Variants in SAMMSON observed in about 807,000 individuals in gnomAD.
SAMMSON encodes the protein long intergenic non-protein coding RNA 1212.
intron 4 of SAMMSON, among the ~76,000 whole-genome samples, chr3:70,132,777 A>T (rs1233700654): frequency 8.1e-6 from 1 of 123,314 alleles, no homozygotes; most frequent in Non-Finnish European, 1.7e-5. Context: ...CCCTAAAAAA[A>T]AAAAAAAGAA....
intron 3 of SAMMSON, among the ~76,000 whole-genome samples, chr3:70,031,183 A>G (rs970831433): frequency 3.9e-5 from 6 of 152,324 alleles, no homozygotes; most frequent in Non-Finnish European, 5.9e-5. Flanking sequence ...TGCAGTATAT[A>G]CATGCAATAC....
chr3:70,111,985 A>T lies in SAMMSON; in HGVS notation n.507+40420A>T, dbSNP rs1426274130. ...TGAGAAGGTCCAAATAATTTGCTAG[A>T]TTTTTCCTGAAGGAAAGAATAGAAT... is the stretch of plus-strand genomic sequence containing the variant. On this transcript the variant is annotated intron_variant and non_coding_transcript_variant, in intron 4 of 9. Transcript: ENST00000642114. 2.0e-5 allele frequency among the ~76,000 whole-genome samples: 3 copies of T among 152,144 alleles called. No individual in the cohort carries two copies. In the East Asian group the frequency reaches 5.8e-4, roughly 29 times the overall value.
At chr3:70,362,925 A>G (rs1173146148) in intron 9 of SAMMSON, among the ~76,000 whole-genome samples, 2 of 151,758 alleles carry the variant, frequency 1.3e-5, no homozygotes, top group East Asian at 1.9e-4. Flanking sequence ...CATGTCCAGT[A>G]ATATTGACAG....
intron 7 of SAMMSON, among the ~76,000 whole-genome samples, chr3:70,334,055 T>A (rs962764612): frequency 5.5e-4 from 84 of 152,350 alleles, no homozygotes; most frequent in African/African-American, 2.0e-3. Flanking sequence ...AGGTTGCCTG[T>A]GCCTAGTTAA....
chr3:70,306,571 C>T (rs548257759), intron 7 of SAMMSON, among the ~76,000 whole-genome samples: 87 of 152,216 alleles, frequency 5.7e-4, no homozygotes, highest in Non-Finnish European at 6.6e-4. Context: ...ATTGCCCATT[C>T]CCCACCCCCT....
At chr3:70,418,412 G>C (rs1175268998) in intron 2 of SAMMSON, among the ~76,000 whole-genome samples, 1 of 152,114 alleles carries the variant, frequency 6.6e-6, no homozygotes, top group Non-Finnish European at 1.5e-5. Flanking sequence ...TCTCGGAATG[G>C]GGTGGATGTC....
chr3:70,015,699 T>C (rs1166640297), intron 3 of SAMMSON, among the ~76,000 whole-genome samples: 3 of 152,130 alleles, frequency 2.0e-5, no homozygotes, highest in Non-Finnish European at 4.4e-5. Flanking sequence ...TATCTCCTAA[T>C]GCTATCCCTC....
In SAMMSON at chr3:70,285,721, T is replaced by A. The variant is rs1189495774; in HGVS notation, n.675-5458T>A. On this transcript the variant is annotated intron_variant and non_coding_transcript_variant, in intron 6 of 9. Coordinates refer to ENST00000642114, the Ensembl canonical transcript of SAMMSON. ...TCTCCACATCCTCTCCAGCACCTGT[T>A]GTTTCCTGACTTTTTAATGATTGCC... 2.0e-5 allele frequency among the ~76,000 whole-genome samples: 3 copies of A among 151,126 alleles called. No individual in the cohort carries two copies. The East Asian group carries it at 5.9e-4, about 30-fold the overall frequency.
chr3:70,033,974 A>G (rs1017499163), intron 3 of SAMMSON, among the ~76,000 whole-genome samples: 4 of 152,094 alleles, frequency 2.6e-5, no homozygotes, highest in African/African-American at 7.2e-5. Context: ...GAAGACTCCT[A>G]TGAGCTATCC....
intron 3 of SAMMSON, chr3:70,068,848 G>T (rs2067219924): frequency 6.6e-6 from 1 of 152,036 alleles, no homozygotes; most frequent in Non-Finnish European, 1.5e-5. Flanking sequence ...TTATGGAGAG[G>T]CCCCTTTATA....
chr3:70,273,395 T>TA (rs762795877), intron 6 of SAMMSON, among the ~76,000 whole-genome samples: 2 of 152,190 alleles, frequency 1.3e-5, no homozygotes, highest in Non-Finnish European at 2.9e-5. Context: ...AGGGAAGTCT[T>TA]AAAAGCTTCA....
intron 6 of SAMMSON, among the ~76,000 whole-genome samples, chr3:70,279,438 A>G (rs1267472397): frequency 6.6e-6 from 1 of 152,038 alleles, no homozygotes; most frequent in Non-Finnish European, 1.5e-5. Flanking sequence ...TCTCCTTCAC[A>G]TCTCTGAGTA....
intron 1 of SAMMSON, among the ~76,000 whole-genome samples, chr3:70,008,831 G>A: frequency 6.6e-6 from 1 of 152,144 alleles, no homozygotes; most frequent in South Asian, 2.1e-4. Context: ...CTAATTTATT[G>A]ATAGTTTTTA....
At chr3:70,034,129 G>A (rs1278531480) in intron 3 of SAMMSON, among the ~76,000 whole-genome samples, 3 of 152,078 alleles carry the variant, frequency 2.0e-5, no homozygotes, top group African/African-American at 7.2e-5. Context: ...ATGGTGAAGG[G>A]GAAGGAGAGA....
At chr3:70,263,987 C>T (rs1701891800) in intron 6 of SAMMSON, among the ~76,000 whole-genome samples, 1 of 152,258 alleles carries the variant, frequency 6.6e-6, no homozygotes, top group South Asian at 2.1e-4. Context: ...TTCAGGCTCT[C>T]CTACTCTGTC....
At chr3:70,397,277 C>T (rs1467680098) in intron 2 of SAMMSON, among the ~76,000 whole-genome samples, 3 of 152,018 alleles carry the variant, frequency 2.0e-5, no homozygotes, top group African/African-American at 7.2e-5. Flanking sequence ...GCTAGTATGT[C>T]AAAGATTCTT....
intron 4 of SAMMSON, among the ~76,000 whole-genome samples, chr3:70,101,209 A>G (rs916724888): frequency 2.3e-4 from 35 of 152,196 alleles, no homozygotes; most frequent in Admixed American, 6.5e-4. Context: ...CCTTTGTTCA[A>G]TAGATAAATG....
At chr3:70,366,655 C>G (rs1399919423) in intron 9 of SAMMSON, among the ~76,000 whole-genome samples, 1 of 151,366 alleles carries the variant, frequency 6.6e-6, no homozygotes, top group Non-Finnish European at 1.5e-5. Flanking sequence ...AATTTATGTG[C>G]AAGCTTTTGT....
At chr3:70,362,181 C>A (rs1409408435) in intron 9 of SAMMSON, among the ~76,000 whole-genome samples, 1 of 152,120 alleles carries the variant, frequency 6.6e-6, no homozygotes, top group Non-Finnish European at 1.5e-5. Flanking sequence ...TGGATTGACT[C>A]TCGGATGATA....
Sources: allele counts gnomAD v4.1 joint callset (sites outside exome capture counted in the v4.1 genomes callset), GRCh38; gene constraint gnomAD v4.1.1; transcripts MANE v1.5; gene names NCBI Gene and HGNC (gene_info 2026-07-23, HGNC 2026-07-21).